Variants in CARM1 observed in about 807,000 individuals in gnomAD.
The protein encoded by CARM1 is coactivator associated arginine methyltransferase 1.
Under a neutral mutation model 72.7 loss-of-function variants are expected in CARM1, and 14 were observed. The ratio of observed to expected loss-of-function variants is 0.19; its 90% CI spans 0.13 to 0.30. The LOEUF is 0.30. Ranked by LOEUF, CARM1 falls within the 10% of genes least tolerant of loss-of-function variation. The pLI, the probability that CARM1 is intolerant of heterozygous loss-of-function variation, is 1.00. For synonymous variants in CARM1, 333 were observed against 345.5 expected (o/e 0.96, Z 0.40); for missense variants, 432 against 833.7 (o/e 0.52, Z 5.93).
chr19:10,909,692 G>A (rs1281457421), intron 4 of CARM1, among the ~76,000 whole-genome samples: 1 of 149,306 alleles, frequency 6.7e-6, no homozygotes, highest in Non-Finnish European at 1.5e-5. Context: ...AGCTGAGATC[G>A]CGCCACTGCA....
chr19:10,884,580 C>G (rs1397633521), intron 1 of CARM1, among the ~76,000 whole-genome samples: 146 of 151,942 alleles, frequency 9.6e-4, no homozygotes, highest in Non-Finnish European at 1.2e-4. Flanking sequence ...TGCCTTTGTT[C>G]CCCAAAAAGC....
At position 10,915,632 on chromosome 19, in the gene CARM1, G is replaced by A. The variant is rs1298230092; in HGVS notation, c.848-775G>A. 1.3e-5 allele frequency among the ~76,000 whole-genome samples: 2 copies of A among 152,126 alleles called. No individual in the cohort carries two copies. Among genetic ancestry groups the A allele is most frequent in the Non-Finnish European group, 2.9e-5 (2 of 68,008 alleles). On this transcript the variant is annotated intron_variant, in intron 6 of 15. Coordinates refer to ENST00000327064, the MANE Select transcript of CARM1 (RefSeq NM_199141.2). This position sits in a 1 kb window ranked among gnomAD's most constrained non-coding sequence, Gnocchi z 4.6. ...TGCAGCCCTGCAGCTCTCGCCTCGG[G>A]TACAGCCTGGTGGCGTAAGGAGGAG...
chr19:10,892,093 C>A (rs1599692820), intron 1 of CARM1, among the ~76,000 whole-genome samples: 1 of 152,326 alleles, frequency 6.6e-6, no homozygotes. Flanking sequence ...GTGGCTCGAT[C>A]ATTTAACATG....
intron 1 of CARM1, among the ~76,000 whole-genome samples, chr19:10,901,565 T>C (rs2074066058): frequency 6.6e-6 from 1 of 151,942 alleles, no homozygotes; most frequent in Admixed American, 6.6e-5. Context: ...CCTCAAGTTA[T>C]CCTCCCATCT....
rs764018551 is a variant in CARM1 at position 10,909,085 on chromosome 19, G to C, written c.454-18G>C. ...GTGCCACCATGTGCCCCGTGCCATC[G>C]GTATGTCTCTGTTCCAGTTTTATGG... On this transcript the variant is annotated intron_variant, in intron 3 of 15. Coordinates refer to ENST00000327064, the MANE Select transcript of CARM1 (RefSeq NM_199141.2). 1 of 1,594,800 alleles carries C rather than the reference G, an allele frequency of 6.3e-7. No homozygotes were observed. The highest frequency in any genetic ancestry group is 1.1e-5 in the South Asian group (1 of 90,624).
intron 2 of CARM1, among the ~76,000 whole-genome samples, chr19:10,906,468 T>C (rs1194272839): frequency 6.6e-6 from 1 of 152,210 alleles, no homozygotes; most frequent in African/African-American, 2.4e-5. Flanking sequence ...CTTTTCATTG[T>C]TTTTGAGACG....
In CARM1 at chr19:10,904,939, CT is replaced by C; in HGVS notation, c.221-10del. 6.2e-7 allele frequency: 1 copy of C among 1,613,874 alleles called. No homozygotes were observed. Among genetic ancestry groups the C allele is most frequent in the Non-Finnish European group, 8.5e-7 (1 of 1,179,764 alleles). ...GGCTGCACCGCTCACGCCAGCCTGT[CT>C]TCTCTCGTAGATGAAGATGTGTGTG... On this transcript the variant is annotated splice_polypyrimidine_tract_variant and intron_variant, in intron 1 of 15. Coordinates refer to ENST00000327064, the MANE Select transcript of CARM1 (RefSeq NM_199141.2).
chr19:10,921,542 C>G (rs2074250136), intron 15 of CARM1, 73 bp from the exon 16 acceptor site: 1 of 1,563,308 alleles, frequency 6.4e-7, no homozygotes, highest in Non-Finnish European at 8.7e-7. Context: ...CCTGCCCTTT[C>G]TCTCTCTCTG....
intron 1 of CARM1, among the ~76,000 whole-genome samples, chr19:10,897,844 T>A (rs1009572746): frequency 6.6e-6 from 1 of 151,942 alleles, no homozygotes; most frequent in Non-Finnish European, 1.5e-5. Flanking sequence ...GGTGGCTCAC[T>A]CCTGTAATCC....
rs527439769 is a variant in CARM1, at chr19:10,874,687, G to A, written c.220+2765G>A. Reference sequence around the variant, plus strand: ...AATTACAGGCATGAGCCACCGCACCGCCCTCTTTATCCTTAAGTAACATTG... The same window carrying A: ...AATTACAGGCATGAGCCACCGCACCACCCTCTTTATCCTTAAGTAACATTG... On this transcript the variant is annotated intron_variant, in intron 1 of 15. Coordinates refer to ENST00000327064, the MANE Select transcript of CARM1 (RefSeq NM_199141.2). Among the ~76,000 whole-genome samples, 161 of 152,162 alleles carry A rather than the reference G, an allele frequency of 1.1e-3. 1 individual carries two copies. Among genetic ancestry groups the A allele is most frequent in the Non-Finnish European group, 2.0e-3 (135 of 68,012 alleles).
chr19:10,908,270 G>T, intron 3 of CARM1, 125 bp downstream of exon 3: 1 of 640,918 alleles, frequency 1.6e-6, no homozygotes, highest in Non-Finnish European at 2.8e-6. Flanking sequence ...GTCCCTTACT[G>T]GCCATGTAGC....
intron 1 of CARM1, among the ~76,000 whole-genome samples, chr19:10,872,756 C>T (rs1337067242): frequency 1.3e-5 from 2 of 151,842 alleles, no homozygotes; most frequent in African/African-American, 2.4e-5. Context: ...GTAGTTCATT[C>T]TTCTTCTTGT....
intron 13 of CARM1, 47 bp from the exon 14 acceptor site, chr19:10,921,003 C>T: frequency 1.9e-6 from 3 of 1,610,752 alleles, no homozygotes; most frequent in Non-Finnish European, 2.5e-6. Context: ...TCGCCGCAGG[C>T]CTGGCCCCTC....
At chr19:10,892,671 A>T (rs1034237521) in intron 1 of CARM1, among the ~76,000 whole-genome samples, 10 of 151,552 alleles carry the variant, frequency 6.6e-5, no homozygotes, top group African/African-American at 2.4e-4. Context: ...AGCTCCCTCC[A>T]TTACCTAGGA....
chr19:10,921,378 A>G lies in CARM1; in HGVS notation c.1619A>G (p.Asn540Ser). 1.2e-6 allele frequency: 2 copies of G among 1,610,222 alleles called. No homozygotes were observed. Among genetic ancestry groups the G allele is most frequent in the Non-Finnish European group, 1.7e-6 (2 of 1,178,966 alleles). Residue 540 changes from asparagine to serine, a missense_variant, in exon 15 of 16, where the codon AAC (asparagine) becomes AGC (serine). By Grantham distance (46) the Asn-to-Ser change is conservative. Around this residue, in one of 3 missense-constraint regions of CARM1, gnomAD observed 142 missense variants for 188.7 expected, o/e 0.75. Transcript: ENST00000327064. ...VGHNNLIPLA[N>S]TGIVNHTHSR... ...TTTCCTCCCTCTCGCTGCGCAGCCAACACGGGGATTGTCAATCACACCCAC... is the reference window on the plus strand; with the variant it reads ...TTTCCTCCCTCTCGCTGCGCAGCCAGCACGGGGATTGTCAATCACACCCAC...
chr19:10,887,798 G>A (rs1231534575), intron 1 of CARM1, among the ~76,000 whole-genome samples: 1 of 152,076 alleles, frequency 6.6e-6, no homozygotes, highest in African/African-American at 2.4e-5. Context: ...CTCAGCCCCA[G>A]GGCAGCTTCT....
intron 2 of CARM1, among the ~76,000 whole-genome samples, chr19:10,907,237 A>G (rs191671487): frequency 6.0e-4 from 89 of 149,204 alleles, no homozygotes; most frequent in African/African-American, 2.2e-3. Context: ...GGGTCTTGCT[A>G]TGTTGCCCAG....
chr19:10,901,105 C>G (rs1455749924), intron 1 of CARM1, among the ~76,000 whole-genome samples: 1 of 151,956 alleles, frequency 6.6e-6, no homozygotes, highest in Admixed American at 6.6e-5. Flanking sequence ...GTCTCAGCTT[C>G]CTGAGTAGCT....
In CARM1 at chr19:10,905,071, C is replaced by A. The variant is rs1442869663; in HGVS notation, c.341C>A (p.Pro114His). The change falls in exon 2 of 16, where the codon CCC becomes CAC. Residue 114 changes from proline to histidine, a missense_variant. Around this residue, in one of 3 missense-constraint regions of CARM1, gnomAD observed 138 missense variants for 192.3 expected, o/e 0.72. Transcript: ENST00000327064. ...AGCGTCCTCATCCAGTTCGCCACAC[C>A]CAACGGTACGTGGCCCTCCTTCCAT... is the stretch of plus-strand genomic sequence containing the variant. ...CNSVLIQFATPNDFCSFYNIL... is the reference protein window; with the variant it reads ...CNSVLIQFATHNDFCSFYNIL... 2 of 1,613,718 alleles carry A rather than the reference C, an allele frequency of 1.2e-6. No homozygotes were observed. Among genetic ancestry groups the A allele is most frequent in the South Asian group, 2.2e-5 (2 of 91,058 alleles).
Sources: gnomAD v4.1 joint callset for allele counts (sites outside exome capture counted in the v4.1 genomes callset) on GRCh38, gnomAD v4.1.1 for gene constraint, gnomAD v4.1.1 regional missense constraint, Gnocchi (gnomAD v3.1) non-coding constraint, MANE v1.5 for transcripts, NCBI Gene and HGNC (gene_info 2026-07-23, HGNC 2026-07-21) for gene names.